Variants in TECTA observed in about 807,000 individuals in gnomAD.
TECTA encodes the protein alpha-tectorin.
In TECTA, 128 loss-of-function variants were observed where a neutral mutation model predicts 216.8. The observed-to-expected ratio is 0.59, with a 90% CI of 0.51 to 0.68. TECTA has a LOEUF of 0.68. TECTA is among the 30% of genes least tolerant of loss of function. The probability of loss-of-function intolerance (pLI) is 0.00; values close to 1 mark genes in which losing one functional copy is unlikely to be tolerated. For missense variants in TECTA, 2,551 were observed against 2,786.2 expected (o/e 0.92, Z 1.90); for synonymous variants, 1,089 against 1,117.1 (o/e 0.97, Z 0.50).
intron 2 of TECTA, among the ~76,000 whole-genome samples, chr11:121,102,984 G>C (rs187420900): frequency 2.6e-4 from 40 of 152,262 alleles, no homozygotes; most frequent in African/African-American, 9.4e-4. Context: ...TAGTGGAGTA[G>C]ATCTTTAAAA....
At chr11:121,122,859 A>C (rs1311878849) in intron 7 of TECTA, among the ~76,000 whole-genome samples, 1 of 152,044 alleles carries the variant, frequency 6.6e-6, no homozygotes, top group African/African-American at 2.4e-5. Flanking sequence ...TTTCAAAAAA[A>C]AAAAAAAATG....
chr11:121,109,846 T>A, intron 4 of TECTA: 1 of 317,242 alleles, frequency 3.2e-6, no homozygotes, highest in South Asian at 3.1e-5. Flanking sequence ...GGGACCCATC[T>A]AGGGACCCAA....
rs777264045 is a variant in TECTA at position 121,137,475 on chromosome 11, C to T, written c.2996C>T (p.Thr999Ile). The change falls in exon 11 of 24, where the codon ACC becomes ATC. Residue 999 changes from threonine (T) to isoleucine (I), a missense_variant. By Grantham distance (89) the Thr-to-Ile change is moderately conservative. Around this residue, in one of 3 missense-constraint regions of TECTA, gnomAD observed 2,375 missense variants for 2,563.9 expected, o/e 0.93. Coordinates refer to ENST00000392793, the MANE Select transcript of TECTA (RefSeq NM_005422.4). ...GAGGAGTGCATCACATGTACAGAGA[C>T]CTGTGAGACCCTTACCCTGGGCCCC... ...HFEECITCTE[T>I]CETLTLGPIC... The T allele has an allele frequency of 9.3e-6, 15 of 1,613,908 alleles. No individual in the cohort carries two copies. The African/African-American group carries it at 1.7e-4, about 19-fold the overall frequency.
rs116092806 is a variant in TECTA at position 121,152,590 on chromosome 11, C to T, written c.4106-291C>T. On this transcript the variant is annotated intron_variant, in intron 12 of 23. Coordinates refer to ENST00000392793, the MANE Select transcript of TECTA (RefSeq NM_005422.4). ...TGGAGATTCAGATGGGCGGTGGGTT[C>T]AGGTGGCAGGCCATAGAGGATCTCA... is the stretch of plus-strand genomic sequence containing the variant. Among the ~76,000 whole-genome samples, 1,492 of 152,218 alleles carry T rather than the reference C, an allele frequency of 9.8e-3. 30 individuals carry two copies. Among genetic ancestry groups the T allele is most frequent in the African/African-American group, 0.034 (1,418 of 41,518 alleles).
At chr11:121,116,521 C>T (rs1204128053) in intron 6 of TECTA, among the ~76,000 whole-genome samples, 2 of 152,196 alleles carry the variant, frequency 1.3e-5, no homozygotes, top group African/African-American at 4.8e-5. Flanking sequence ...ACAGTCTCCA[C>T]TTTGACTTCA....
intron 7 of TECTA, among the ~76,000 whole-genome samples, chr11:121,120,957 GC>G (rs1946552362): frequency 6.6e-6 from 1 of 152,166 alleles, no homozygotes; most frequent in Non-Finnish European, 1.5e-5. Flanking sequence ...GTGAGACAGG[GC>G]CCTCTAGGAG....
chr11:121,132,982 T>C (rs757045251), intron 10 of TECTA, among the ~76,000 whole-genome samples: 1 of 152,222 alleles, frequency 6.6e-6, no homozygotes, highest in Non-Finnish European at 1.5e-5. Flanking sequence ...TCCACCCACC[T>C]TGGTGTCCTA....
In TECTA at chr11:121,130,189, C is replaced by G. The variant is rs770216394; in HGVS notation, c.2919C>G (p.Pro973=). The change falls in exon 10 of 24, where the codon CCC becomes CCG. Residue 973 remains proline, a synonymous_variant. Coordinates refer to ENST00000392793, the MANE Select transcript of TECTA (RefSeq NM_005422.4). The part of the protein sequence containing the change: ...ACKNADVEVG[P]WRTYDFCPLE... ...AGAATGCGGACGTGGAGGTGGGGCC[C>G]TGGCGGACCTATGACTTCTGCCGTA... 3.7e-6 allele frequency: 6 copies of G among 1,601,134 alleles called. No individual in the cohort carries two copies. The East Asian group carries it at 1.3e-4, about 36-fold the overall frequency.
intron 10 of TECTA, among the ~76,000 whole-genome samples, chr11:121,135,967 T>G (rs1258951781): frequency 6.6e-6 from 1 of 151,570 alleles, no homozygotes; most frequent in Non-Finnish European, 1.5e-5. Flanking sequence ...ATGTGCTTTT[T>G]TTTTTTCTCC....
chr11:121,185,375 C>A lies in TECTA; in HGVS notation c.6000-2457C>A, dbSNP rs74790858. Among the ~76,000 whole-genome samples, 631 of 130,700 alleles carry A rather than the reference C, an allele frequency of 4.8e-3. 1 individual carries two copies. Among genetic ancestry groups the A allele is most frequent in the African/African-American group, 0.017 (556 of 32,584 alleles). 85.7% of individuals were successfully genotyped at this position (130,700 alleles called of 152,430 possible). A position where few individuals can be genotyped will look rare whatever the true frequency, so the allele number is the denominator to read the frequency against. On this transcript the variant is annotated intron_variant, in intron 20 of 23. Coordinates refer to ENST00000392793, the MANE Select transcript of TECTA (RefSeq NM_005422.4). Reference sequence around the variant, plus strand: ...ATGCTTAATGAATGAGTAGGGAAAGCAGATGTTCAATGCTTAATGAATGAG... The same window carrying A: ...ATGCTTAATGAATGAGTAGGGAAAGAAGATGTTCAATGCTTAATGAATGAG...
At chr11:121,125,984 G>A (rs1323231331) in intron 8 of TECTA, 112 bp downstream of exon 8, 34 of 1,304,290 alleles carry the variant, frequency 2.6e-5, no homozygotes, top group Non-Finnish European at 3.6e-5. Context: ...AGAATGAGGG[G>A]GAGGTTGAAA....
At position 121,127,703 on chromosome 11, in the gene TECTA, T is replaced by A. The variant is rs1265024364; in HGVS notation, c.1775-49T>A. 1 of 1,605,048 alleles carries A rather than the reference T, an allele frequency of 6.2e-7. No homozygotes were observed. The highest frequency in any genetic ancestry group is 2.2e-5 in the East Asian group (1 of 44,838). Reference sequence around the variant, plus strand: ...CGTTAAGATTCTGGCGGGTTAGCACTCCGGGTCCATTCACCTTGTTATCGG... The same window carrying A: ...CGTTAAGATTCTGGCGGGTTAGCACACCGGGTCCATTCACCTTGTTATCGG... On this transcript the variant is annotated intron_variant, in intron 8 of 23. Transcript: ENST00000392793. The surrounding 1 kb of genome is among the most constrained non-coding windows in gnomAD (Gnocchi z 5.0).
chr11:121,104,203 C>G (rs1946371182), intron 2 of TECTA, among the ~76,000 whole-genome samples: 1 of 152,102 alleles, frequency 6.6e-6, no homozygotes, highest in Non-Finnish European at 1.5e-5. Flanking sequence ...CTGTTAACTT[C>G]AGAAATAAGT....
At chr11:121,129,448 A>G (rs926909371) in intron 9 of TECTA, among the ~76,000 whole-genome samples, 190 bp from the exon 10 acceptor site, 1 of 152,200 alleles carries the variant, frequency 6.6e-6, no homozygotes, top group Non-Finnish European at 1.5e-5. Context: ...GGGTCTAATC[A>G]GGGGAATCCA....
At chr11:121,133,249 C>T (rs1946692803) in intron 10 of TECTA, among the ~76,000 whole-genome samples, 1 of 152,172 alleles carries the variant, frequency 6.6e-6, no homozygotes. Flanking sequence ...TCCTCCCTCC[C>T]TGCCCTTCAT....
chr11:121,131,944 C>T (rs957800628), intron 10 of TECTA, among the ~76,000 whole-genome samples: 11 of 152,156 alleles, frequency 7.2e-5, no homozygotes, highest in African/African-American at 2.4e-4. Flanking sequence ...ATGATAGATT[C>T]GATCGCTTGC....
chr11:121,181,171 AT>A, intron 20 of TECTA, among the ~76,000 whole-genome samples: 1 of 152,218 alleles, frequency 6.6e-6, no homozygotes, highest in East Asian at 1.9e-4. Context: ...CTCAAAAAAA[AT>A]AATTCTTTAT....
At chr11:121,130,794 A>T (rs539280438) in intron 10 of TECTA, among the ~76,000 whole-genome samples, 13 of 152,318 alleles carry the variant, frequency 8.5e-5, no homozygotes, top group African/African-American at 2.9e-4. Context: ...GGGAAGCCAC[A>T]GGGAGAAGTA....
chr11:121,155,348 C>T (rs898341524), intron 13 of TECTA, among the ~76,000 whole-genome samples: 1 of 152,172 alleles, frequency 6.6e-6, no homozygotes, highest in Non-Finnish European at 1.5e-5. Context: ...TGTCTGACTT[C>T]TTATCAGAGA....
Sources: allele counts gnomAD v4.1 joint callset (sites outside exome capture counted in the v4.1 genomes callset), GRCh38; gene constraint gnomAD v4.1.1; regional missense constraint gnomAD v4.1.1; non-coding constraint Gnocchi (gnomAD v3.1); transcripts MANE v1.5; gene names NCBI Gene and HGNC (gene_info 2026-07-23, HGNC 2026-07-21).